Variants in TBC1D15 observed in about 807,000 individuals in gnomAD.
The protein encoded by TBC1D15 is TBC1 domain family member 15, also known as GAP for RAB7.
Under a neutral mutation model 95.4 loss-of-function variants are expected in TBC1D15, and 39 were observed. The ratio of observed to expected loss-of-function variants is 0.41; its 90% CI spans 0.32 to 0.53. TBC1D15 has a LOEUF of 0.53. Ranked by LOEUF, TBC1D15 falls within the 20% of genes least tolerant of loss-of-function variation. TBC1D15 has a pLI of 0.29. For synonymous variants in TBC1D15, 258 were observed against 261.3 expected, an observed-to-expected ratio of 0.99 and a Z score of 0.12; for missense variants, 733 against 794.3, an observed-to-expected ratio of 0.92 and a Z score of 0.93.
At chr12:71,863,383 AAAG>A (rs1890801172) in intron 1 of TBC1D15, among the ~76,000 whole-genome samples, 1 of 142,326 alleles carries the variant, frequency 7.0e-6, no homozygotes, top group South Asian at 2.1e-4. Flanking sequence ...GTCTCAAAAA[AAAG>A]AAAAGAAAAG....
At chr12:71,878,411 CAGAGAG>C (rs148681015) in intron 3 of TBC1D15, among the ~76,000 whole-genome samples, 1 of 148,742 alleles carries the variant, frequency 6.7e-6, no homozygotes, top group South Asian at 2.1e-4. Flanking sequence ...AAGTAGAAGT[CAGAGAG>C]AGAGAGAGAG....
chr12:71,855,135 A>G (rs765029113), intron 1 of TBC1D15, among the ~76,000 whole-genome samples: 18 of 152,128 alleles, frequency 1.2e-4, no homozygotes, highest in Non-Finnish European at 1.8e-4. Flanking sequence ...CAGGAGAGAG[A>G]GAGTGCTCAG....
intron 1 of TBC1D15, among the ~76,000 whole-genome samples, chr12:71,864,582 A>T (rs1891088978): frequency 6.6e-6 from 1 of 150,800 alleles, no homozygotes; most frequent in Admixed American, 6.6e-5. Flanking sequence ...ATCTTGGCTG[A>T]CTGTAATCTC....
intron 1 of TBC1D15, among the ~76,000 whole-genome samples, chr12:71,854,406 T>C (rs1888541707): frequency 1.3e-5 from 2 of 152,206 alleles, no homozygotes; most frequent in Admixed American, 1.3e-4. Flanking sequence ...CTTCTGTACA[T>C]CTTTTTTCCC....
rs545786577 is a variant in TBC1D15 at position 71,901,236 on chromosome 12, G to A, written c.1183+3295G>A. Among the ~76,000 whole-genome samples, 4 of 152,132 alleles carry A rather than the reference G, an allele frequency of 2.6e-5. No homozygotes were observed. The East Asian group carries it at 7.7e-4, about 29-fold the overall frequency. On this transcript the variant is annotated intron_variant, in intron 10 of 16. Transcript: ENST00000485960. ...AGGGTCTCACTATGTTTCCCAGGCT[G>A]GTCTCCAACTCCTGGCCTCAAGCAA...
intron 1 of TBC1D15, chr12:71,849,725 G>C: frequency 3.6e-6 from 2 of 552,140 alleles, no homozygotes; most frequent in Non-Finnish European, 3.5e-6. Context: ...AGACTCGGGG[G>C]TCACTCCATT....
In TBC1D15 at chr12:71,894,199, A is replaced by G. The variant is rs192845584; in HGVS notation, c.658-487A>G. The G allele has an allele frequency of 2.2e-4, 163 of 739,280 alleles. No individual in the cohort carries two copies. In the African/African-American group the frequency reaches 2.6e-3, roughly 12 times the overall value. The allele number at this position is 739,280 out of a possible 1,614,324, so 45.8% of individuals were successfully genotyped here. ...ATTATTCTTGTTGGCATGATTTACT[A>G]TTCATATAATTAGATTAAAATGTCA... On this transcript the variant is annotated intron_variant, in intron 6 of 16. Coordinates refer to ENST00000485960, the MANE Select transcript of TBC1D15 (RefSeq NM_001146213.3).
At chr12:71,922,822 T>G (rs183217074) in intron 16 of TBC1D15, among the ~76,000 whole-genome samples, 161 bp from the exon 17 acceptor site, 160 of 152,362 alleles carry the variant, frequency 1.1e-3, no homozygotes, top group Middle Eastern at 0.01. Flanking sequence ...GCATTTCATT[T>G]GGAGCTGAGA....
chr12:71,868,894 T>G (rs1892065653), intron 1 of TBC1D15: 1 of 152,194 alleles, frequency 6.6e-6, no homozygotes, highest in Non-Finnish European at 1.5e-5. Flanking sequence ...GAGTCTTACG[T>G]GAAAATATGC....
chr12:71,862,475 T>A (rs1421204309), intron 1 of TBC1D15, among the ~76,000 whole-genome samples: 1 of 152,236 alleles, frequency 6.6e-6, no homozygotes, highest in Non-Finnish European at 1.5e-5. Flanking sequence ...TAAGTCTGTT[T>A]TATCTGATAC....
intron 1 of TBC1D15, among the ~76,000 whole-genome samples, chr12:71,863,396 G>T (rs1280178678): frequency 1.3e-5 from 2 of 151,958 alleles, no homozygotes. Flanking sequence ...GAAAAGAAAA[G>T]AAAAGAAATC....
At chr12:71,864,887 T>C (rs1463849649) in intron 1 of TBC1D15, among the ~76,000 whole-genome samples, 1 of 152,232 alleles carries the variant, frequency 6.6e-6, no homozygotes, top group Non-Finnish European at 1.5e-5. Context: ...AGTATCCACG[T>C]AGCTTATTTA....
intron 10 of TBC1D15, among the ~76,000 whole-genome samples, chr12:71,900,018 G>A (rs1423762543): frequency 6.6e-6 from 1 of 152,032 alleles, no homozygotes; most frequent in Non-Finnish European, 1.5e-5. Flanking sequence ...TGATAGAGTT[G>A]ATAAGACTTT....
chr12:71,902,167 C>T (rs1592796679), intron 10 of TBC1D15, among the ~76,000 whole-genome samples: 1 of 152,252 alleles, frequency 6.6e-6, no homozygotes, highest in Non-Finnish European at 1.5e-5. Context: ...CTGCCCAAAG[C>T]TATTTATAGA....
chr12:71,901,421 T>C (rs1566044046), intron 10 of TBC1D15, among the ~76,000 whole-genome samples: 2 of 152,204 alleles, frequency 1.3e-5, no homozygotes, highest in Non-Finnish European at 2.9e-5. Flanking sequence ...TTTTAGACTT[T>C]AATTTTGAGA....
intron 3 of TBC1D15, among the ~76,000 whole-genome samples, chr12:71,879,135 CT>C (rs370132097): frequency 0.12 from 17,197 of 144,378 alleles, 1,122 homozygotes; most frequent in African/African-American, 0.18. Context: ...CTCTCTCTCT[CT>C]TTTTTTTTTT....
At chr12:71,852,137 T>C (rs1293392514) in intron 1 of TBC1D15, among the ~76,000 whole-genome samples, 1 of 152,172 alleles carries the variant, frequency 6.6e-6, no homozygotes, top group Non-Finnish European at 1.5e-5. Context: ...CTTAACATCA[T>C]GTGGAAACTG....
chr12:71,851,564 A>G (rs552911851), intron 1 of TBC1D15, among the ~76,000 whole-genome samples: 1 of 152,362 alleles, frequency 6.6e-6, no homozygotes, highest in South Asian at 2.1e-4. Flanking sequence ...ATGAAAAACA[A>G]GTTAGTTACT....
At chr12:71,896,243 T>C (rs1898148887) in intron 8 of TBC1D15, 168 bp downstream of exon 8, 1 of 570,424 alleles carries the variant, frequency 1.8e-6, no homozygotes. Flanking sequence ...GAATGATGCC[T>C]TAAAATTCCT....
Sources: allele counts gnomAD v4.1 joint callset (sites outside exome capture counted in the v4.1 genomes callset), GRCh38; gene constraint gnomAD v4.1.1; transcripts MANE v1.5; gene names NCBI Gene and HGNC (gene_info 2026-07-23, HGNC 2026-07-21).